The following MTHFD2L variants were observed in gnomAD, a reference collection of about 807,000 sequenced individuals.
The protein encoded by MTHFD2L is bifunctional methylenetetrahydrofolate dehydrogenase/cyclohydrolase 2, mitochondrial.
MTHFD2L carries 29 observed loss-of-function variants against 34.9 expected under a neutral mutation model. That is an observed-to-expected ratio of 0.83 (90% CI 0.62 to 1.13). MTHFD2L has a LOEUF of 1.13. MTHFD2L is among the 50% of genes most tolerant of loss of function. The pLI is 0.00. For missense variants in MTHFD2L, 481 were observed against 446.5 expected (o/e 1.08, Z -0.70); for synonymous variants, 167 against 155.7 (o/e 1.07, Z -0.54).
chr4:74,254,305 GA>G (rs1743703474), intron 6 of MTHFD2L, among the ~76,000 whole-genome samples: 2 of 152,094 alleles, frequency 1.3e-5, no homozygotes, highest in South Asian at 2.1e-4. Flanking sequence ...CAAATAGATT[GA>G]ACCAAAAGAG....
At chr4:74,129,555 A>G (rs1312919144) in intron 1 of MTHFD2L, among the ~76,000 whole-genome samples, 7 of 152,182 alleles carry the variant, frequency 4.6e-5, no homozygotes. Context: ...GACACAACAT[A>G]CCAGAATCTC....
chr4:74,256,767 G>T (rs1250644795), intron 6 of MTHFD2L, among the ~76,000 whole-genome samples: 1 of 152,176 alleles, frequency 6.6e-6, no homozygotes, highest in Non-Finnish European at 1.5e-5. Context: ...TATATGTGCA[G>T]TTTTATTTCT....
intron 6 of MTHFD2L, among the ~76,000 whole-genome samples, chr4:74,228,479 T>C (rs1458165054): frequency 2.6e-5 from 4 of 152,226 alleles, no homozygotes; most frequent in Non-Finnish European, 5.9e-5. Context: ...AAATATTATA[T>C]TGAATGAGTA....
At chr4:74,121,877 G>A (rs941772190), upstream of MTHFD2L, among the ~76,000 whole-genome samples, 1 of 151,736 alleles carries the variant, frequency 6.6e-6, no homozygotes, top group Non-Finnish European at 1.5e-5. Flanking sequence ...AAAAGGTTGG[G>A]GGCCATTGCA....
chr4:74,204,309 T>C (rs1734942858), intron 5 of MTHFD2L, among the ~76,000 whole-genome samples: 1 of 152,180 alleles, frequency 6.6e-6, no homozygotes, highest in Admixed American at 6.5e-5. Flanking sequence ...TTAATGTAAA[T>C]CACTAATTAC....
chr4:74,245,993 A>T (rs1207689254), intron 6 of MTHFD2L, among the ~76,000 whole-genome samples: 2 of 148,362 alleles, frequency 1.3e-5, no homozygotes, highest in East Asian at 3.9e-4. Context: ...GTATATACCC[A>T]GTAATGGGAT....
Position 74,266,894 on chromosome 4 carries a change from C to G in MTHFD2L, c.806-14531C>G, listed in dbSNP as rs887080614. 13 of 985,088 alleles carry G rather than the reference C, an allele frequency of 1.3e-5. No homozygotes were observed. The African/African-American group carries it at 2.3e-4, about 17-fold the overall frequency. 61.0% of individuals were successfully genotyped at this position (985,088 alleles called of 1,614,324 possible). ...AAAAAGTAATTTGTTTTCTAAATAT[C>G]AGGCCTCATTTCTTTGTATTATCTA... On this transcript the variant is annotated intron_variant, in intron 6 of 7. Transcript: ENST00000325278.
intron 6 of MTHFD2L, among the ~76,000 whole-genome samples, chr4:74,235,563 A>C (rs1343981710): frequency 2.6e-5 from 4 of 152,056 alleles, no homozygotes; most frequent in Admixed American, 2.0e-4. Flanking sequence ...TGGAGTGATA[A>C]TTTTGGAAGT....
intron 3 of MTHFD2L, among the ~76,000 whole-genome samples, chr4:74,196,760 A>G (rs1404490048): frequency 6.6e-6 from 1 of 152,104 alleles, no homozygotes; most frequent in Non-Finnish European, 1.5e-5. Flanking sequence ...AGCCTGGCCA[A>G]TATGGTGAAA....
In MTHFD2L at chr4:74,199,959, T is replaced by C. The variant is rs1734138846; in HGVS notation, c.604+13T>C. 6.2e-7 allele frequency: 1 copy of C among 1,613,592 alleles called. No individual in the cohort carries two copies. Among genetic ancestry groups the C allele is most frequent in the African/African-American group, 1.3e-5 (1 of 74,914 alleles). Reference sequence around the variant, plus strand: ...ATAAAAAGAACAGGTTGGTAATTTGTGGTCTGCAGGACATGGATGCTAGGT... The same window carrying C: ...ATAAAAAGAACAGGTTGGTAATTTGCGGTCTGCAGGACATGGATGCTAGGT... On this transcript the variant is annotated intron_variant, in intron 4 of 7. Coordinates refer to ENST00000325278, the MANE Select transcript of MTHFD2L (RefSeq NM_001144978.3).
At chr4:74,146,671 C>A (rs1560412609) in intron 1 of MTHFD2L, among the ~76,000 whole-genome samples, 1 of 152,088 alleles carries the variant, frequency 6.6e-6, no homozygotes, top group Non-Finnish European at 1.5e-5. Flanking sequence ...ATTCCTATAT[C>A]TGGATATTTA....
intron 1 of MTHFD2L, chr4:74,161,240 C>T (rs1036947072): frequency 6.6e-6 from 1 of 152,092 alleles, no homozygotes; most frequent in Non-Finnish European, 1.5e-5. Flanking sequence ...ACGTCTTTTA[C>T]CGTGGGTAGT....
intron 7 of MTHFD2L, among the ~76,000 whole-genome samples, chr4:74,285,415 A>G (rs1299337523): frequency 6.6e-6 from 1 of 152,182 alleles, no homozygotes; most frequent in African/African-American, 2.4e-5. Context: ...AGCACCATTC[A>G]AACTATTCTT....
chr4:74,260,581 T>C (rs1400765726), intron 6 of MTHFD2L, among the ~76,000 whole-genome samples: 1 of 152,046 alleles, frequency 6.6e-6, no homozygotes, highest in Admixed American at 6.6e-5. Context: ...AAATACTAGA[T>C]AGTTTCAAGA....
chr4:74,256,863 G>C (rs1439893197), intron 6 of MTHFD2L, among the ~76,000 whole-genome samples: 1 of 152,052 alleles, frequency 6.6e-6, no homozygotes, highest in Non-Finnish European at 1.5e-5. Context: ...GTTGAAGTTG[G>C]GTAATGTAGA....
chr4:74,192,605 A>G (rs1397136674), intron 3 of MTHFD2L, among the ~76,000 whole-genome samples: 1 of 152,112 alleles, frequency 6.6e-6, no homozygotes, highest in African/African-American at 2.4e-5. Flanking sequence ...ATTATGGAAC[A>G]TTTTTGTCAA....
At chr4:74,192,575 G>A (rs1732743231) in intron 3 of MTHFD2L, among the ~76,000 whole-genome samples, 1 of 152,006 alleles carries the variant, frequency 6.6e-6, no homozygotes, top group South Asian at 2.1e-4. Context: ...AAACTCTCAT[G>A]TAATCTAAAC....
intron 5 of MTHFD2L, among the ~76,000 whole-genome samples, chr4:74,204,660 A>G (rs1734994830): frequency 6.6e-6 from 1 of 152,126 alleles, no homozygotes; most frequent in South Asian, 2.1e-4. Flanking sequence ...TTGCATGCTA[A>G]TTTCTTGATA....
rs1725395568 is a variant in MTHFD2L at position 74,161,238 on chromosome 4, TA to T, written c.143+2958del. On this transcript the variant is annotated intron_variant, in intron 1 of 7. Coordinates refer to ENST00000325278, the MANE Select transcript of MTHFD2L (RefSeq NM_001144978.3). ...GTGTTATTTAAGTATTCACGTCTTT[TA>T]CCGTGGGTAGTTAAGTTTAATAATT... is the stretch of plus-strand genomic sequence containing the variant. 5 of 152,370 alleles carry T rather than the reference TA, an allele frequency of 3.3e-5. No individual in the cohort carries two copies. The South Asian group carries it at 1.0e-3, about 32-fold the overall frequency. 9.4% of individuals were successfully genotyped at this position (152,370 alleles called of 1,614,324 possible).
Sources: allele counts gnomAD v4.1 joint callset (sites outside exome capture counted in the v4.1 genomes callset), GRCh38; gene constraint gnomAD v4.1.1; transcripts MANE v1.5; gene names NCBI Gene and HGNC (gene_info 2026-07-23, HGNC 2026-07-21).